The following AFF1 variants were observed in gnomAD, a reference collection of about 807,000 sequenced individuals.
The protein encoded by AFF1 is AF4/FMR2 family member 1.
A neutral mutation model predicts 121.7 loss-of-function variants in AFF1; 48 were observed. That is an observed-to-expected ratio of 0.39 (90% CI 0.31 to 0.50). AFF1 has a LOEUF of 0.50. Ranked by LOEUF, AFF1 falls within the 20% of genes least tolerant of loss-of-function variation. The pLI, the probability that AFF1 is intolerant of heterozygous loss-of-function variation, is 0.76. For synonymous variants in AFF1, 613 were observed against 563.0 expected (o/e 1.09, Z -1.26); for missense variants, 1,523 against 1,511.7 (o/e 1.01, Z -0.12).
In AFF1 at chr4:87,108,302, C is replaced by T; in HGVS notation, c.1520C>T (p.Thr507Ile). 6.2e-7 allele frequency: 1 copy of T among 1,613,298 alleles called. No homozygotes were observed. The highest frequency in any genetic ancestry group is 8.5e-7 in the Non-Finnish European group (1 of 1,179,870). The change falls in exon 11 of 21, where the codon ACC (threonine) becomes ATC (isoleucine). Residue 507 changes from threonine (T) to isoleucine (I), a missense_variant. By Grantham distance (89) the Thr-to-Ile change is moderately conservative. Coordinates refer to ENST00000395146, the MANE Select transcript of AFF1 (RefSeq NM_001166693.3). Reference sequence around the variant, plus strand: ...AGCGAAGAAAATGAGCCCCTAGAAACCCCAGCTCCGGAGGTACCGTGTTCC... The same window carrying T: ...AGCGAAGAAAATGAGCCCCTAGAAATCCCAGCTCCGGAGGTACCGTGTTCC... ...SDSEENEPLETPAPEPEPPTT... is the reference protein window; with the variant it reads ...SDSEENEPLEIPAPEPEPPTT...
chr4:86,963,468 G>C (rs1036647065), intron 2 of AFF1, among the ~76,000 whole-genome samples: 6 of 152,032 alleles, frequency 3.9e-5, no homozygotes, highest in African/African-American at 1.4e-4. Flanking sequence ...TAGTCCACAG[G>C]GAGTTCACAT....
At chr4:86,951,396 G>A (rs1192241720) in intron 2 of AFF1, among the ~76,000 whole-genome samples, 2 of 150,112 alleles carry the variant, frequency 1.3e-5, no homozygotes, top group Admixed American at 1.3e-4. Context: ...AATTGAGAAA[G>A]CACTGACGCT....
intron 8 of AFF1, among the ~76,000 whole-genome samples, chr4:87,098,673 C>T (rs1255996659): frequency 6.6e-6 from 1 of 152,142 alleles, no homozygotes; most frequent in African/African-American, 2.4e-5. Flanking sequence ...AAAAGGTGCC[C>T]TCCATTATTT....
chr4:86,984,933 TAAA>T (rs1370215915), intron 2 of AFF1, among the ~76,000 whole-genome samples: 1 of 151,124 alleles, frequency 6.6e-6, no homozygotes, highest in Non-Finnish European at 1.5e-5. Context: ...AAAATAAAAA[TAAA>T]AAAGACAAAT....
chr4:87,101,565 T>G (rs1725434850), intron 8 of AFF1, among the ~76,000 whole-genome samples: 1 of 140,666 alleles, frequency 7.1e-6, no homozygotes, highest in Non-Finnish European at 1.5e-5. Context: ...GGCGACAGAG[T>G]GAGACCTTGT....
chr4:87,045,545 T>C (rs1217622449), intron 2 of AFF1, among the ~76,000 whole-genome samples: 3 of 152,224 alleles, frequency 2.0e-5, no homozygotes, highest in Non-Finnish European at 2.9e-5. Context: ...TCTCCGTCGG[T>C]AGAGCTGACA....
intron 4 of AFF1, chr4:87,049,693 C>T (rs907621617): frequency 1.2e-4 from 53 of 456,102 alleles, no homozygotes; most frequent in Admixed American, 1.1e-3. Context: ...CCTCTGGTCT[C>T]GGCCCGAGTT....
At position 87,022,736 on chromosome 4, in the gene AFF1, CTG is replaced by C. The variant is rs1435690975; in HGVS notation, c.39-23420_39-23419del. On this transcript the variant is annotated intron_variant, in intron 2 of 20. Coordinates refer to ENST00000395146, the MANE Select transcript of AFF1 (RefSeq NM_001166693.3). ...TCTGTGTGTATATATGTATATATAT[CTG>C]TGTGTGTGTATATATATATAATATC... Among the ~76,000 whole-genome samples the C allele has an allele frequency of 7.5e-3, 1,108 of 146,896 alleles. 6 individuals are homozygous for C. Among genetic ancestry groups the C allele is most frequent in the Non-Finnish European group, 0.01 (675 of 67,148 alleles).
rs1415762955 is a variant in AFF1, at chr4:87,134,603, T to C, written c.3444T>C (p.Asn1148=). The C allele has an allele frequency of 4.3e-6, 7 of 1,614,040 alleles. No individual in the cohort carries two copies. Among genetic ancestry groups the C allele is most frequent in the Non-Finnish European group, 5.9e-6 (7 of 1,180,006 alleles). ...ATISTPVTIQ[N]MTSSYVTITS... ...TCAGCACCCCAGTCACCATCCAGAATATGACATCTTCCTATGTCACCATCA... is the reference window on the plus strand; with the variant it reads ...TCAGCACCCCAGTCACCATCCAGAACATGACATCTTCCTATGTCACCATCA... The change falls in exon 20 of 21, where the codon AAT becomes AAC. Residue 1148 remains asparagine (N), a synonymous_variant. Coordinates refer to ENST00000395146, the MANE Select transcript of AFF1 (RefSeq NM_001166693.3).
chr4:87,057,983 T>A (rs553123652), intron 4 of AFF1, among the ~76,000 whole-genome samples: 1 of 151,088 alleles, frequency 6.6e-6, no homozygotes, highest in South Asian at 2.1e-4. Flanking sequence ...GGCTTGGCAA[T>A]CTCTGGTGTA....
chr4:87,106,251 C>T (rs567542693), intron 10 of AFF1, among the ~76,000 whole-genome samples: 4 of 152,238 alleles, frequency 2.6e-5, no homozygotes, highest in South Asian at 2.1e-4. Context: ...GGCATGGTGG[C>T]GCATGCCTGT....
intron 2 of AFF1, among the ~76,000 whole-genome samples, chr4:86,961,092 T>G (rs1368588565): frequency 6.6e-6 from 1 of 152,098 alleles, no homozygotes; most frequent in Non-Finnish European, 1.5e-5. Flanking sequence ...TTGAAGGCCT[T>G]CCATTCCCCT....
chr4:87,130,241 G>A (rs541765702), intron 16 of AFF1, among the ~76,000 whole-genome samples: 1 of 152,158 alleles, frequency 6.6e-6, no homozygotes, highest in Non-Finnish European at 1.5e-5. Context: ...CCAAAGTGCT[G>A]GGATTACAGG....
At position 87,055,915 on chromosome 4, in the gene AFF1, C is replaced by T. The variant is rs142776927; in HGVS notation, c.1059+8321C>T. Among the ~76,000 whole-genome samples, 10 of 152,310 alleles carry T rather than the reference C, an allele frequency of 6.6e-5. No individual in the cohort carries two copies. In the East Asian group the frequency reaches 1.9e-3, roughly 29 times the overall value. On this transcript the variant is annotated intron_variant, in intron 4 of 20. Transcript: ENST00000395146. The stretch of plus-strand genomic sequence containing the variant: ...AGGTTAACTTTGCATGTTCACATTT[C>T]CCAAGAACTCTATAAGCAGCTATTT...
intron 2 of AFF1, among the ~76,000 whole-genome samples, chr4:86,967,673 T>A (rs1380752059): frequency 1.3e-5 from 2 of 150,614 alleles, no homozygotes; most frequent in East Asian, 3.9e-4. Context: ...TGAGAAAAGA[T>A]AGGTAGGTTG....
chr4:86,967,344 G>A (rs1396382827), intron 2 of AFF1, among the ~76,000 whole-genome samples: 2 of 152,132 alleles, frequency 1.3e-5, no homozygotes, highest in South Asian at 2.1e-4. Flanking sequence ...GAAGTAAACC[G>A]TAGGGCCCTT....
intron 4 of AFF1, among the ~76,000 whole-genome samples, chr4:87,057,821 A>G (rs1423233255): frequency 6.6e-6 from 1 of 152,112 alleles, no homozygotes; most frequent in Non-Finnish European, 1.5e-5. Context: ...GAAAGAAAGT[A>G]TTTCCTTAGG....
At chr4:87,028,138 T>C (rs144733151) in intron 2 of AFF1, among the ~76,000 whole-genome samples, 30 of 152,316 alleles carry the variant, frequency 2.0e-4, no homozygotes, top group Non-Finnish European at 4.1e-4. Context: ...GATAAAGGGA[T>C]ACCCAGTCTG....
intron 2 of AFF1, among the ~76,000 whole-genome samples, chr4:86,991,458 AAAG>A (rs1339017527): frequency 6.6e-6 from 1 of 151,830 alleles, no homozygotes; most frequent in Non-Finnish European, 1.5e-5. Context: ...AAAAAAAAAA[AAAG>A]AAATATGCAG....
Sources: allele counts gnomAD v4.1 joint callset (sites outside exome capture counted in the v4.1 genomes callset), GRCh38; gene constraint gnomAD v4.1.1; transcripts MANE v1.5; gene names NCBI Gene and HGNC (gene_info 2026-07-23, HGNC 2026-07-21).